The following MORC3 variants were observed in gnomAD, a reference collection of about 807,000 sequenced individuals.
MORC3 encodes the protein MORC family CW-type zinc finger 3, also known as MORC family CW-type zinc finger protein 3.
In MORC3, 31 loss-of-function variants were observed where a neutral mutation model predicts 109.1. The ratio of observed to expected loss-of-function variants is 0.28; its 90% CI spans 0.21 to 0.38. The LOEUF (loss-of-function observed/expected upper bound fraction) is 0.38. Ranked by LOEUF, MORC3 falls within the 10% of genes least tolerant of loss-of-function variation. The pLI is 1.00. For synonymous variants in MORC3, 395 were observed against 380.7 expected (o/e 1.04, Z -0.44); for missense variants, 867 against 1,135.8 (o/e 0.76, Z 3.40).
In MORC3 at chr21:36,360,270, A is replaced by G. The variant is rs1356714684; in HGVS notation, c.1406+12A>G. 1.2e-6 allele frequency: 2 copies of G among 1,606,890 alleles called. No individual in the cohort carries two copies. Among genetic ancestry groups the G allele is most frequent in the Non-Finnish European group, 1.7e-6 (2 of 1,174,270 alleles). The stretch of plus-strand genomic sequence containing the variant: ...ACCTACAAAAAGACGTGAGTGTTGT[A>G]TTGATGTATAGTGGGTAATAATGCC... On this transcript the variant is annotated intron_variant, in intron 12 of 16. Transcript: ENST00000400485.
intron 1 of MORC3, among the ~76,000 whole-genome samples, chr21:36,322,079 AGCTCATGG>A (rs376693715): frequency 6.6e-6 from 1 of 152,230 alleles, no homozygotes; most frequent in African/African-American, 2.4e-5. Context: ...AACTACATAC[AGCTCATGG>A]GCCAAATCCA....
chr21:36,372,709 C>G (rs1462926514), intron 16 of MORC3, among the ~76,000 whole-genome samples, 178 bp downstream of exon 16: 1 of 152,154 alleles, frequency 6.6e-6, no homozygotes, highest in Non-Finnish European at 1.5e-5. Flanking sequence ...TCCTTCCTTT[C>G]CAGTTTCTGA....
chr21:36,359,903 GT>G, intron 10 of MORC3, 51 bp from the exon 11 acceptor site: 1 of 1,599,540 alleles, frequency 6.3e-7, no homozygotes, highest in Non-Finnish European at 8.6e-7. Flanking sequence ...ATCTGATGAA[GT>G]ATTTAGAGTC....
At chr21:36,371,815 G>GTTTT (rs545030354) in intron 15 of MORC3, among the ~76,000 whole-genome samples, 4 of 124,274 alleles carry the variant, frequency 3.2e-5, no homozygotes, top group African/African-American at 8.3e-5. Flanking sequence ...GTTTTGTTTT[G>GTTTT]TTTTTTTTTT....
intron 14 of MORC3, among the ~76,000 whole-genome samples, chr21:36,364,823 G>A (rs901108184): frequency 6.6e-6 from 1 of 150,772 alleles, no homozygotes; most frequent in Non-Finnish European, 1.5e-5. Context: ...AGGCCGAGGT[G>A]GGTGGATCAT....
At chr21:36,339,064 C>A (rs2085406228) in intron 5 of MORC3, 143 bp downstream of exon 5, 3 of 998,830 alleles carry the variant, frequency 3.0e-6, no homozygotes, top group Non-Finnish European at 4.3e-6. Flanking sequence ...TTGTCTTTGC[C>A]CAGGATATGT....
chr21:36,347,592 C>CT (rs1248654643), intron 8 of MORC3, among the ~76,000 whole-genome samples: 1 of 152,152 alleles, frequency 6.6e-6, no homozygotes, highest in East Asian at 1.9e-4. Flanking sequence ...ATTTGCTGTG[C>CT]TGGGTGCTCA....
chr21:36,335,310 ATTTTTT>A (rs144473276), intron 2 of MORC3, among the ~76,000 whole-genome samples: 16 of 116,690 alleles, frequency 1.4e-4, no homozygotes, highest in Admixed American at 3.8e-4. Flanking sequence ...AAAAGAAGGA[ATTTTTT>A]TTTTTTTTTT....
intron 9 of MORC3, among the ~76,000 whole-genome samples, chr21:36,355,130 A>G (rs1396931043): frequency 6.6e-6 from 1 of 152,186 alleles, no homozygotes; most frequent in Non-Finnish European, 1.5e-5. Context: ...ATTGTCTTCC[A>G]CAGCGTTAAC....
chr21:36,357,810 A>G (rs1164287222), intron 10 of MORC3, among the ~76,000 whole-genome samples: 4 of 145,198 alleles, frequency 2.8e-5, no homozygotes, highest in Non-Finnish European at 4.5e-5. Context: ...GCGCAATCTC[A>G]GCTCACTGCA....
At chr21:36,333,551 G>T in intron 1 of MORC3, 95 bp from the exon 2 acceptor site, 1 of 958,774 alleles carries the variant, frequency 1.0e-6, no homozygotes, top group Non-Finnish European at 1.7e-6. Flanking sequence ...CTTTTGTTTG[G>T]TCTCAATGTT....
At position 36,338,550 on chromosome 21, in the gene MORC3, C is replaced by T. The variant is rs564961099; in HGVS notation, c.461-224C>T. The stretch of plus-strand genomic sequence containing the variant: ...AAAAAAAATTTAAAAATTAGCCGGT[C>T]GTGGTGGTGGGTGCCTGTGGTCGGT... On this transcript the variant is annotated intron_variant, in intron 4 of 16. Transcript: ENST00000400485. Among the ~76,000 whole-genome samples the T allele has an allele frequency of 7.5e-4, 113 of 151,646 alleles. 2 individuals are homozygous for T. The highest frequency in any genetic ancestry group is 2.3e-3 in the African/African-American group (96 of 41,348).
intron 9 of MORC3, among the ~76,000 whole-genome samples, chr21:36,353,622 C>T (rs1399053445): frequency 6.6e-6 from 1 of 151,644 alleles, no homozygotes; most frequent in Non-Finnish European, 1.5e-5. Flanking sequence ...CTCTGTCATC[C>T]AGTCTGGAGT....
chr21:36,373,811 CTTA>C (rs1426927413), intron 16 of MORC3, among the ~76,000 whole-genome samples: 2 of 152,102 alleles, frequency 1.3e-5, no homozygotes, highest in Non-Finnish European at 2.9e-5. Flanking sequence ...TAAATATGGA[CTTA>C]TTATATTGTA....
intron 1 of MORC3, among the ~76,000 whole-genome samples, chr21:36,325,509 A>T (rs1392878296): frequency 6.6e-6 from 1 of 152,260 alleles, no homozygotes; most frequent in Non-Finnish European, 1.5e-5. Context: ...TAAAGTTTCA[A>T]TTCAGTAGTG....
chr21:36,356,549 C>A, intron 9 of MORC3, 71 bp from the exon 10 acceptor site: 1 of 945,392 alleles, frequency 1.1e-6, no homozygotes, highest in Non-Finnish European at 1.6e-6. Flanking sequence ...TGTCTATGTA[C>A]TCATTACTAG....
chr21:36,369,093 A>T lies in MORC3; in HGVS notation c.1725A>T (p.Glu575Asp). Residue 575 changes from glutamate to aspartate, a missense_variant, in exon 15 of 17, where the codon GAA (glutamate) becomes GAT (aspartate). This residue lies in a region of MORC3 where 486 missense variants were observed against 502.1 expected (regional missense o/e 0.97). Coordinates refer to ENST00000400485, the MANE Select transcript of MORC3 (RefSeq NM_015358.3). ...NSVYKGDDDD[E>D]DVIILEENST... ...TTTATAAAGGTGATGATGATGATGAAGATGTCATCATCTTAGAAGAAAACA... is the reference window on the plus strand; with the variant it reads ...TTTATAAAGGTGATGATGATGATGATGATGTCATCATCTTAGAAGAAAACA... The T allele has an allele frequency of 6.2e-7, 1 of 1,613,926 alleles. No homozygotes were observed. Among genetic ancestry groups the T allele is most frequent in the Non-Finnish European group, 8.5e-7 (1 of 1,179,834 alleles).
At chr21:36,343,894 T>C (rs186335632) in intron 6 of MORC3, among the ~76,000 whole-genome samples, 6 of 152,256 alleles carry the variant, frequency 3.9e-5, no homozygotes, top group African/African-American at 1.4e-4. Context: ...AGTATTACTA[T>C]TTACTAAAAT....
rs529925556 is a variant in MORC3, at chr21:36,345,273, A to T, written c.1005+242A>T. Among the ~76,000 whole-genome samples, 274 of 129,506 alleles carry T rather than the reference A, an allele frequency of 2.1e-3. 1 individual carries two copies. The highest frequency in any genetic ancestry group is 7.3e-3 in the African/African-American group (248 of 34,096). The allele number at this position is 129,506 out of a possible 152,430, so 85.0% of individuals were successfully genotyped here. ...TTTCCCTTCCTTTTTTTTGAGACGG[A>T]GTCTGAGTCTTGCCCAGGCTTCAGT... On this transcript the variant is annotated intron_variant, in intron 8 of 16. Transcript: ENST00000400485.
Sources: gnomAD v4.1 joint callset for allele counts (sites outside exome capture counted in the v4.1 genomes callset) on GRCh38, gnomAD v4.1.1 for gene constraint, gnomAD v4.1.1 regional missense constraint, MANE v1.5 for transcripts, NCBI Gene and HGNC (gene_info 2026-07-23, HGNC 2026-07-21) for gene names.